The following STK32C variants were observed in gnomAD, a reference collection of about 807,000 sequenced individuals.
The protein encoded by STK32C is serine/threonine-protein kinase 32C.
In STK32C, 31 loss-of-function variants were observed where a neutral mutation model predicts 56.5. The observed-to-expected ratio is 0.55, with a 90% CI of 0.41 to 0.74. The LOEUF (loss-of-function observed/expected upper bound fraction) is 0.74, where lower values mean the gene tolerates loss of function less well. Ranked by LOEUF, STK32C falls within the 30% of genes least tolerant of loss-of-function variation. The pLI, the probability that STK32C is intolerant of heterozygous loss-of-function variation, is 0.00. For missense variants in STK32C, 544 were observed against 676.9 expected (o/e 0.80, Z 2.18); for synonymous variants, 309 against 289.4 (o/e 1.07, Z -0.69).
At chr10:132,282,489 G>A (rs146229340) in intron 1 of STK32C, among the ~76,000 whole-genome samples, 5 of 105,542 alleles carry the variant, frequency 4.7e-5, no homozygotes, top group African/African-American at 2.9e-4. Flanking sequence ...GCCCACCTGT[G>A]CCTGCGCCCA....
rs181499498 is a variant in STK32C, at chr10:132,235,224, G to A, written c.319-7096C>T. On this transcript the variant is annotated intron_variant, in intron 2 of 11. Transcript: ENST00000298630. ...TATGTTAAAAGAAATCAGGCCAGGC[G>A]CTGTGGCTCACACCTGTAATCTCAA... is the stretch of plus-strand genomic sequence containing the variant. Among the ~76,000 whole-genome samples the A allele has an allele frequency of 1.5e-3, 221 of 152,272 alleles. 1 individual carries two copies. Among genetic ancestry groups the A allele is most frequent in the East Asian group, 6.4e-3 (33 of 5,180 alleles).
intron 2 of STK32C, among the ~76,000 whole-genome samples, chr10:132,238,789 A>C (rs929513404): frequency 2.6e-5 from 4 of 152,174 alleles, no homozygotes; most frequent in Non-Finnish European, 5.9e-5. Flanking sequence ...ATGCACACAC[A>C]CACACATACC....
chr10:132,331,808 C>A (rs369101139), exon 1 of STK32C: 2 of 1,587,858 alleles, frequency 1.3e-6, no homozygotes, highest in South Asian at 1.1e-5. Context: ...ACTTGCCCGT[C>A]GACCACCACC....
intron 1 of STK32C, among the ~76,000 whole-genome samples, chr10:132,318,767 T>G (rs777848981): frequency 7.2e-5 from 11 of 151,960 alleles, no homozygotes; most frequent in Non-Finnish European, 1.6e-4. Flanking sequence ...TTTTAGTTTA[T>G]TTTTTCTTCT....
chr10:132,233,942 G>A (rs568191189), intron 2 of STK32C, among the ~76,000 whole-genome samples: 1 of 152,356 alleles, frequency 6.6e-6, no homozygotes, highest in Admixed American at 6.5e-5. Flanking sequence ...GAGCAGATGG[G>A]CTGGGGCGCC....
rs183807492 is a variant in STK32C at position 132,287,005 on chromosome 10, G to C, written c.262+20567C>G. 3.0e-3 allele frequency among the ~76,000 whole-genome samples: 456 copies of C among 152,342 alleles called. 8 individuals are homozygous for C. The South Asian group carries it at 0.049, about 16-fold the overall frequency. On this transcript the variant is annotated intron_variant, in intron 1 of 11. Transcript: ENST00000298630. Reference sequence around the variant, plus strand: ...ATATGATAATGGAAGTTCTGAGTGAGTTTAAGCAAGGCTGGAGAATACAAA... The same window carrying C: ...ATATGATAATGGAAGTTCTGAGTGACTTTAAGCAAGGCTGGAGAATACAAA...
At chr10:132,331,570 G>A (rs552137226) in exon 1 of STK32C, 3 of 1,612,948 alleles carry the variant, frequency 1.9e-6, no homozygotes, top group Admixed American at 3.3e-5. Context: ...GTGGGAAGTG[G>A]CTCCAGGAAG....
intron 1 of STK32C, among the ~76,000 whole-genome samples, chr10:132,325,724 CTTTTTT>C (rs541031233): frequency 7.2e-6 from 1 of 139,302 alleles, no homozygotes. Flanking sequence ...TTTGGTATGT[CTTTTTT>C]TTTTTTTTTT....
rs1031641502 is a variant in STK32C, at chr10:132,218,926, C to A, written c.1251+3715G>T. On this transcript the variant is annotated intron_variant, in intron 10 of 11. Transcript: ENST00000298630. The stretch of plus-strand genomic sequence containing the variant: ...GTGGACGGGCCTCAAAAGCATCCTG[C>A]GAAGTGAAAGAAGCCAGCTGCAAAG... Among the ~76,000 whole-genome samples, 3 of 152,188 alleles carry A rather than the reference C, an allele frequency of 2.0e-5. No homozygotes were observed. The South Asian group carries it at 6.2e-4, about 32-fold the overall frequency.
chr10:132,294,230 G>A (rs985285693), intron 1 of STK32C, among the ~76,000 whole-genome samples: 1 of 151,474 alleles, frequency 6.6e-6, no homozygotes, highest in Non-Finnish European at 1.5e-5. Context: ...TCAGAGACGA[G>A]GAGGATCCGC....
chr10:132,298,403 C>G (rs927410007), intron 1 of STK32C, among the ~76,000 whole-genome samples: 1 of 152,262 alleles, frequency 6.6e-6, no homozygotes, highest in African/African-American at 2.4e-5. Context: ...GGCGAAGAAG[C>G]CGAGACTCTG....
chr10:132,212,977 C>A (rs959234523), intron 10 of STK32C, among the ~76,000 whole-genome samples: 1 of 152,194 alleles, frequency 6.6e-6, no homozygotes, highest in African/African-American at 2.4e-5. Flanking sequence ...GGGGAGCGGC[C>A]GGGGCCGTGT....
At chr10:132,280,529 GCTGAGGCCTCC>G (rs2065153025) in intron 1 of STK32C, among the ~76,000 whole-genome samples, 1 of 100,714 alleles carries the variant, frequency 9.9e-6, no homozygotes, top group African/African-American at 4.0e-5. Context: ...CCGTGATCAC[GCTGAGGCCTCC>G]ACACCGTGAC....
At chr10:132,330,672 ATTTTTTTTTT>A (rs57850207) in intron 1 of STK32C, among the ~76,000 whole-genome samples, 2 of 126,944 alleles carry the variant, frequency 1.6e-5, no homozygotes, top group African/African-American at 6.0e-5. Flanking sequence ...CACACCCAGC[ATTTTTTTTTT>A]TTTTTTTTTT....
At chr10:132,241,457 A>G (rs114769841) in intron 2 of STK32C, among the ~76,000 whole-genome samples, 2,949 of 152,342 alleles carry the variant, frequency 0.019, 90 homozygotes, top group African/African-American at 0.065. Flanking sequence ...AACGGAACAA[A>G]ATGTGAAGAA....
intron 1 of STK32C, among the ~76,000 whole-genome samples, chr10:132,247,189 C>A (rs1431789980): frequency 2.6e-5 from 4 of 152,220 alleles, no homozygotes; most frequent in African/African-American, 4.8e-5. Context: ...CTCCACTGCT[C>A]CCTGGCGGTA....
intron 2 of STK32C, among the ~76,000 whole-genome samples, chr10:132,239,184 G>A (rs2063410433): frequency 1.3e-5 from 2 of 152,212 alleles, no homozygotes; most frequent in African/African-American, 4.8e-5. Flanking sequence ...TATAGATGGT[G>A]TGAGGGCTCA....
intron 1 of STK32C, among the ~76,000 whole-genome samples, chr10:132,293,858 G>A (rs570277526): frequency 2.1e-3 from 321 of 152,330 alleles, no homozygotes; most frequent in African/African-American, 7.4e-3. Flanking sequence ...AGCCTGCTCC[G>A]GGGACGCAGA....
chr10:132,209,644 G>A (rs78442137), intron 10 of STK32C, among the ~76,000 whole-genome samples: 17,280 of 143,044 alleles, frequency 0.12, 1,346 homozygotes, highest in South Asian at 0.18. Flanking sequence ...CAGGCAGCAG[G>A]ACCACTTCCC....
Sources: gnomAD v4.1 joint callset for allele counts (sites outside exome capture counted in the v4.1 genomes callset) on GRCh38, gnomAD v4.1.1 for gene constraint, MANE v1.5 for transcripts, NCBI Gene and HGNC (gene_info 2026-07-23, HGNC 2026-07-21) for gene names.